LINGO2: variants seen among roughly 807,000 people sequenced by gnomAD.
LINGO2 encodes the protein leucine rich repeat and Ig domain containing 2.
LINGO2 carries 14 observed loss-of-function variants against 30.6 expected under a neutral mutation model. The observed-to-expected ratio is 0.46, with a 90% CI of 0.30 to 0.72. The LOEUF is 0.72. Among genes scored for constraint, LINGO2 ranks in the 30% least tolerant of loss-of-function variants. The probability of loss-of-function intolerance (pLI) is 0.07; values close to 1 mark genes in which losing one functional copy is unlikely to be tolerated. For missense variants in LINGO2, 729 were observed against 751.7 expected (o/e 0.97, Z 0.35); for synonymous variants, 317 against 288.5 (o/e 1.10, Z -1.00).
intron 2 of LINGO2, among the ~76,000 whole-genome samples, chr9:28,459,301 T>C (rs575575012): frequency 6.6e-5 from 10 of 152,072 alleles, no homozygotes; most frequent in Admixed American, 6.6e-4. Flanking sequence ...CATGCTACTA[T>C]TTTCTTGAAT....
At chr9:28,508,548 AT>A (rs1331650419) in intron 1 of LINGO2, among the ~76,000 whole-genome samples, 1 of 151,954 alleles carries the variant, frequency 6.6e-6, no homozygotes, top group Non-Finnish European at 1.5e-5. Flanking sequence ...CATATGTGAA[AT>A]GATTTTCCTA....
At chr9:27,999,641 T>C (rs977938800) in intron 5 of LINGO2, among the ~76,000 whole-genome samples, 1 of 152,106 alleles carries the variant, frequency 6.6e-6, no homozygotes, top group Non-Finnish European at 1.5e-5. Context: ...GTTTCTGGAG[T>C]GCCCTTCCAG....
At chr9:28,758,938 C>T in the LINGO2 span, among the ~76,000 whole-genome samples, 20 of 152,004 alleles carry the variant, frequency 1.3e-4, no homozygotes, top group Non-Finnish European at 2.6e-4. Flanking sequence ...AAATCTAAAA[C>T]AATATTTTCT....
intron 1 of LINGO2, among the ~76,000 whole-genome samples, chr9:28,658,640 T>C (rs1200848482): frequency 6.6e-6 from 1 of 152,090 alleles, no homozygotes; most frequent in East Asian, 1.9e-4. Context: ...GTGTGTCTCT[T>C]ACAGAAAGCA....
the LINGO2 span, among the ~76,000 whole-genome samples, chr9:28,904,201 G>A: frequency 6.6e-6 from 1 of 151,208 alleles, no homozygotes; most frequent in East Asian, 1.9e-4. Flanking sequence ...ATTAGGTATG[G>A]GAAGGAATGC....
the LINGO2 span, among the ~76,000 whole-genome samples, chr9:28,843,962 A>G: frequency 6.6e-6 from 1 of 151,846 alleles, no homozygotes; most frequent in Non-Finnish European, 1.5e-5. Context: ...TTAATTATCT[A>G]TCTGAATCCA....
At chr9:28,898,985 C>A in the LINGO2 span, among the ~76,000 whole-genome samples, 1 of 152,152 alleles carries the variant, frequency 6.6e-6, no homozygotes, top group Admixed American at 6.5e-5. Flanking sequence ...ATGGTGAAGA[C>A]ATCAGCAATA....
At chr9:28,296,938 C>G (rs1212329463) in intron 3 of LINGO2, among the ~76,000 whole-genome samples, 1 of 152,124 alleles carries the variant, frequency 6.6e-6, no homozygotes, top group Non-Finnish European at 1.5e-5. Flanking sequence ...TGAAGATCTT[C>G]TGGAAATTAT....
At chr9:28,861,032 A>G in the LINGO2 span, among the ~76,000 whole-genome samples, 1 of 123,382 alleles carries the variant, frequency 8.1e-6, no homozygotes, top group Admixed American at 1.0e-4. Flanking sequence ...TATATAATAC[A>G]TATTATTAAT....
At chr9:27,974,669 C>T (rs1297024587) in intron 5 of LINGO2, among the ~76,000 whole-genome samples, 2 of 152,002 alleles carry the variant, frequency 1.3e-5, no homozygotes, top group African/African-American at 4.8e-5. Context: ...ACTGAATGGA[C>T]GTTTTGACCA....
intron 2 of LINGO2, among the ~76,000 whole-genome samples, chr9:28,426,876 A>T (rs887333737): frequency 6.6e-6 from 1 of 152,112 alleles, no homozygotes; most frequent in Non-Finnish European, 1.5e-5. Context: ...TACACTTCAG[A>T]TGTTACTTCT....
the LINGO2 span, among the ~76,000 whole-genome samples, chr9:28,720,383 C>T: frequency 6.6e-6 from 1 of 152,046 alleles, no homozygotes; most frequent in Non-Finnish European, 1.5e-5. Flanking sequence ...AAGGCCCTTT[C>T]TGTAAAGCTT....
the LINGO2 span, among the ~76,000 whole-genome samples, chr9:28,707,082 A>T: frequency 6.6e-6 from 1 of 152,222 alleles, no homozygotes; most frequent in Non-Finnish European, 1.5e-5. Context: ...ATACAGTGTG[A>T]TGATTTGCTA....
chr9:28,111,533 T>C (rs911421019), intron 4 of LINGO2, among the ~76,000 whole-genome samples: 1 of 152,156 alleles, frequency 6.6e-6, no homozygotes, highest in African/African-American at 2.4e-5. Context: ...TGTTGACTTA[T>C]AATCATGTTT....
chr9:28,336,974 G>C (rs985893614), intron 3 of LINGO2, among the ~76,000 whole-genome samples: 4 of 151,284 alleles, frequency 2.6e-5, no homozygotes, highest in Non-Finnish European at 4.4e-5. Context: ...CTGTTTTGAA[G>C]TACTAAAATT....
the LINGO2 span, among the ~76,000 whole-genome samples, chr9:29,160,212 TC>T: frequency 6.6e-6 from 1 of 152,188 alleles, no homozygotes; most frequent in South Asian, 2.1e-4. Context: ...ATACTGCTGA[TC>T]CAGAAACCAT....
the LINGO2 span, among the ~76,000 whole-genome samples, chr9:29,144,408 A>C: frequency 6.6e-6 from 1 of 152,078 alleles, no homozygotes; most frequent in Non-Finnish European, 1.5e-5. Flanking sequence ...AAATTTAATC[A>C]GTTAAGGTAA....
chr9:29,135,618 T>C, the LINGO2 span, among the ~76,000 whole-genome samples: 3 of 152,098 alleles, frequency 2.0e-5, no homozygotes, highest in East Asian at 5.8e-4. Flanking sequence ...AGTGTACATT[T>C]AGACATTTAA....
chr9:28,365,310 T>G (rs4879240), intron 3 of LINGO2, among the ~76,000 whole-genome samples: 51,340 of 151,942 alleles, frequency 0.34, 10,205 homozygotes, highest in Non-Finnish European at 0.42. Context: ...AAATGTCACC[T>G]GGGCCAGATT....
Sources: gnomAD v4.1 joint callset for allele counts (sites outside exome capture counted in the v4.1 genomes callset) on GRCh38, gnomAD v4.1.1 for gene constraint, MANE v1.5 for transcripts, NCBI Gene and HGNC (gene_info 2026-07-23, HGNC 2026-07-21) for gene names.